The following LYPD6B variants were observed in gnomAD, a reference collection of about 807,000 sequenced individuals.
The protein encoded by LYPD6B is LY6/PLAUR domain containing 6B, also known as ly6/PLAUR domain-containing protein 6B.
A neutral mutation model predicts 22.8 loss-of-function variants in LYPD6B; 17 were observed. The ratio of observed to expected loss-of-function variants is 0.75; its 90% CI spans 0.51 to 1.12. LYPD6B has a LOEUF of 1.12. Ranked by LOEUF, LYPD6B falls within the 50% of genes most tolerant of loss-of-function variation. The probability of loss-of-function intolerance (pLI) is 0.00; values close to 1 mark genes in which losing one functional copy is unlikely to be tolerated. For missense variants in LYPD6B, 221 were observed against 258.3 expected (o/e 0.86, Z 0.99); for synonymous variants, 106 against 91.6 (o/e 1.16, Z -0.90).
chr2:149,201,545 T>A (rs998963613), intron 3 of LYPD6B, among the ~76,000 whole-genome samples: 48 of 152,192 alleles, frequency 3.2e-4, no homozygotes, highest in Admixed American at 4.6e-4. Flanking sequence ...TTTTTCATTA[T>A]CCTAATGTGT....
rs900551060 is a variant in LYPD6B at position 149,184,865 on chromosome 2, A to G, written c.78-20388A>G. On this transcript the variant is annotated intron_variant, in intron 3 of 6. Transcript: ENST00000409642. ...AAGTCTCTGTCTTCTCAGTGTTCTC[A>G]TTTAAATGTAGTACGCGATAGGCAT... 4.6e-5 allele frequency among the ~76,000 whole-genome samples: 7 copies of G among 152,346 alleles called. No individual in the cohort carries two copies. The East Asian group carries it at 1.4e-3, about 29-fold the overall frequency.
At chr2:149,092,598 C>T (rs1445022232) in intron 1 of LYPD6B, among the ~76,000 whole-genome samples, 1 of 151,904 alleles carries the variant, frequency 6.6e-6, no homozygotes, top group African/African-American at 2.4e-5. Context: ...GACCACCTTG[C>T]AACTAGTGTG....
intron 1 of LYPD6B, among the ~76,000 whole-genome samples, chr2:149,066,756 T>C (rs983297913): frequency 1.4e-4 from 21 of 152,238 alleles, no homozygotes; most frequent in South Asian, 8.3e-4. Flanking sequence ...TCTTCTCTTC[T>C]CTGCACTACT....
chr2:149,118,575 A>G (rs1687123085), intron 1 of LYPD6B, among the ~76,000 whole-genome samples: 1 of 152,220 alleles, frequency 6.6e-6, no homozygotes, highest in South Asian at 2.1e-4. Context: ...AAGAAAACAA[A>G]TCAGAGGGAG....
At chr2:149,076,876 G>A (rs1684901798) in intron 1 of LYPD6B, among the ~76,000 whole-genome samples, 1 of 152,176 alleles carries the variant, frequency 6.6e-6, no homozygotes, top group Non-Finnish European at 1.5e-5. Flanking sequence ...CAGCTGTTCA[G>A]GCATTTTTGT....
Position 149,095,948 on chromosome 2 carries a change from A to T in LYPD6B, c.-66-34935A>T, listed in dbSNP as rs7582599. 4.5e-3 allele frequency among the ~76,000 whole-genome samples: 685 copies of T among 152,094 alleles called. 7 individuals carry two copies. The highest frequency in any genetic ancestry group is 0.016 in the African/African-American group (656 of 41,498). On this transcript the variant is annotated intron_variant, in intron 1 of 6. Transcript: ENST00000409642. ...CAGAGAGAGGGACAGAGAGAGAAAG[A>T]GACACATTCAGAGAAGAACAGTGAG...
chr2:149,071,842 G>A (rs1231035500), intron 1 of LYPD6B, among the ~76,000 whole-genome samples: 1 of 152,156 alleles, frequency 6.6e-6, no homozygotes, highest in African/African-American at 2.4e-5. Context: ...AAGATTGGGA[G>A]GCAAATGGCT....
intron 3 of LYPD6B, among the ~76,000 whole-genome samples, chr2:149,170,249 C>T (rs889209808): frequency 6.6e-6 from 1 of 152,180 alleles, no homozygotes; most frequent in Non-Finnish European, 1.5e-5. Flanking sequence ...TGCATGTTAA[C>T]CACTCAGTAT....
chr2:149,172,661 T>C (rs1381605302), intron 3 of LYPD6B, among the ~76,000 whole-genome samples: 1 of 152,128 alleles, frequency 6.6e-6, no homozygotes, highest in Non-Finnish European at 1.5e-5. Context: ...GGTGTGTCTG[T>C]GAGGATGTTT....
At chr2:149,154,072 T>C in intron 2 of LYPD6B, 8 of 958,692 alleles carry the variant, frequency 8.3e-6, no homozygotes, top group Non-Finnish European at 9.9e-6. Flanking sequence ...GTGGTAAAGA[T>C]GATGTCTTCT....
intron 1 of LYPD6B, among the ~76,000 whole-genome samples, chr2:149,070,551 AT>A (rs763160874): frequency 1.3e-5 from 2 of 152,178 alleles, no homozygotes; most frequent in Non-Finnish European, 2.9e-5. Flanking sequence ...CTGGATCATC[AT>A]AAGTGCTCAA....
At chr2:149,111,106 A>G (rs1686736768) in intron 1 of LYPD6B, among the ~76,000 whole-genome samples, 1 of 152,118 alleles carries the variant, frequency 6.6e-6, no homozygotes, top group Non-Finnish European at 1.5e-5. Flanking sequence ...GTTGGGGTGT[A>G]CTGAGAAAGT....
chr2:149,146,122 G>A (rs1254564321), intron 2 of LYPD6B, among the ~76,000 whole-genome samples: 2 of 152,186 alleles, frequency 1.3e-5, no homozygotes, highest in Admixed American at 6.5e-5. Context: ...AAACAGAAAT[G>A]GTCCTACCCT....
intron 2 of LYPD6B, among the ~76,000 whole-genome samples, chr2:149,158,150 T>C (rs1293248820): frequency 2.6e-5 from 4 of 152,234 alleles, no homozygotes; most frequent in Non-Finnish European, 4.4e-5. Flanking sequence ...ATTTGTATAA[T>C]TAACTGGTTT....
intron 3 of LYPD6B, among the ~76,000 whole-genome samples, chr2:149,163,429 T>G (rs1690212584): frequency 6.6e-6 from 1 of 152,140 alleles, no homozygotes; most frequent in South Asian, 2.1e-4. Context: ...GTACAAGGTA[T>G]GAAATCAACA....
In LYPD6B at chr2:149,093,994, G is replaced by C. The variant is rs78948774; in HGVS notation, c.-66-36889G>C. Among the ~76,000 whole-genome samples, 574 of 152,098 alleles carry C rather than the reference G, an allele frequency of 3.8e-3. 2 individuals carry two copies. The highest frequency in any genetic ancestry group is 0.013 in the African/African-American group (544 of 41,480). On this transcript the variant is annotated intron_variant, in intron 1 of 6. Coordinates refer to ENST00000409642, the MANE Select transcript of LYPD6B (RefSeq NM_177964.5). ...TCTTGACTTTTCTTTTTTGGTTCCT[G>C]ATGTATTCCAATAGAATATGACTTT...
At chr2:149,176,967 C>T (rs1691353310) in intron 3 of LYPD6B, among the ~76,000 whole-genome samples, 1 of 152,202 alleles carries the variant, frequency 6.6e-6, no homozygotes, top group Non-Finnish European at 1.5e-5. Flanking sequence ...TCTAAACATC[C>T]TCACTTTGAA....
At chr2:149,085,826 T>G (rs967344520) in intron 1 of LYPD6B, among the ~76,000 whole-genome samples, 5 of 152,220 alleles carry the variant, frequency 3.3e-5, no homozygotes, top group African/African-American at 9.6e-5. Context: ...TGAAGCGTTA[T>G]CCTTTCTCCA....
chr2:149,134,067 G>C (rs898503297), intron 2 of LYPD6B, among the ~76,000 whole-genome samples: 1 of 152,136 alleles, frequency 6.6e-6, no homozygotes, highest in Non-Finnish European at 1.5e-5. Flanking sequence ...AGGGGGCTGG[G>C]GAATGCTGGC....
Sources: gnomAD v4.1 joint callset for allele counts (sites outside exome capture counted in the v4.1 genomes callset) on GRCh38, gnomAD v4.1.1 for gene constraint, MANE v1.5 for transcripts, NCBI Gene and HGNC (gene_info 2026-07-23, HGNC 2026-07-21) for gene names.